The following INO80 variants were observed in gnomAD, a reference collection of about 807,000 sequenced individuals.
INO80 encodes the protein chromatin-remodeling ATPase INO80.
A neutral mutation model predicts 203.4 loss-of-function variants in INO80; 20 were observed. The ratio of observed to expected loss-of-function variants is 0.10; its 90% confidence interval spans 0.07 to 0.14. The LOEUF (loss-of-function observed/expected upper bound fraction) is 0.14. Among genes scored for constraint, INO80 ranks in the 10% least tolerant of loss-of-function variants. The pLI is 1.00. For synonymous variants in INO80, 726 were observed against 685.2 expected (o/e 1.06, Z -0.93); for missense variants, 1,419 against 1,914.4 (o/e 0.74, Z 4.83).
chr15:40,998,207 G>C (rs2043907371), intron 28 of INO80, among the ~76,000 whole-genome samples: 1 of 151,846 alleles, frequency 6.6e-6, no homozygotes, highest in South Asian at 2.1e-4. Flanking sequence ...ATTTTTAGTA[G>C]AGACGGGGTT....
At chr15:41,040,666 T>C (rs757813550) in intron 24 of INO80, among the ~76,000 whole-genome samples, 9 of 151,534 alleles carry the variant, frequency 5.9e-5, no homozygotes, top group Non-Finnish European at 1.3e-4. Context: ...GAGGCCAGAG[T>C]TCGAGGCCGG....
rs755753243 is a variant in INO80 at position 41,092,153 on chromosome 15, C to T, written c.411G>A (p.Glu137=). 6.2e-7 allele frequency: 1 copy of T among 1,607,956 alleles called. No individual in the cohort carries two copies. Among genetic ancestry groups the T allele is most frequent in the Non-Finnish European group, 8.5e-7 (1 of 1,175,098 alleles). The stretch of plus-strand genomic sequence containing the variant: ...CATCGTCTTCACTCTGAGAATCAGC[C>T]TCGCTGGATTCATCACTTAGCAGAA... ...KSILLSDESS[E]ADSQSEDDDE... is the part of the protein sequence containing the mutation. The change falls in exon 5 of 36, where the codon GAG becomes GAA. Residue 137 remains glutamate (E), a synonymous_variant. Coordinates refer to ENST00000648947, the MANE Select transcript of INO80 (RefSeq NM_017553.3).
intron 14 of INO80, among the ~76,000 whole-genome samples, chr15:41,062,211 G>T (rs1471431604): frequency 6.6e-6 from 1 of 152,082 alleles, no homozygotes; most frequent in Non-Finnish European, 1.5e-5. Flanking sequence ...CAAGTATACC[G>T]AAGTCTTTAT....
At position 41,047,491 on chromosome 15, in the gene INO80, T is replaced by C. The variant is rs150948955; in HGVS notation, c.2652A>G (p.Glu884=). ...RSLFHRKGIN[E]ESCFSFLRFI... is the part of the protein sequence containing the mutation. Reference sequence around the variant, plus strand: ...AGCGAAGGAAAGAGAAACAGCTTTCTTCATTAATACCTGAAATATAAAAGA... The same window carrying C: ...AGCGAAGGAAAGAGAAACAGCTTTCCTCATTAATACCTGAAATATAAAAGA... Residue 884 remains glutamate (E), a synonymous_variant, in exon 23 of 36, where the codon GAA becomes GAG. Transcript: ENST00000648947. The C allele has an allele frequency of 2.1e-4, 345 of 1,605,942 alleles. 3 individuals are homozygous for C. The highest frequency in any genetic ancestry group is 2.9e-5 in the Non-Finnish European group (34 of 1,174,108).
chr15:41,084,357 C>T (rs1046977868), intron 7 of INO80, among the ~76,000 whole-genome samples: 6 of 152,048 alleles, frequency 3.9e-5, no homozygotes, highest in Admixed American at 1.3e-4. Flanking sequence ...GTCAAGAGTT[C>T]GAGACCAGCC....
chr15:40,997,290 CA>C (rs2043892847), intron 29 of INO80, among the ~76,000 whole-genome samples: 4 of 151,744 alleles, frequency 2.6e-5, no homozygotes, highest in Admixed American at 2.6e-4. Flanking sequence ...AAAACAAAAA[CA>C]AAAAAACTTG....
At chr15:41,008,252 CACG>C (rs2044080664) in intron 27 of INO80, among the ~76,000 whole-genome samples, 3 of 138,712 alleles carry the variant, frequency 2.2e-5, no homozygotes, top group Non-Finnish European at 3.2e-5. Flanking sequence ...CACACACACA[CACG>C]AATATTATTC....
chr15:41,018,078 A>C (rs2044237220), intron 26 of INO80: 1 of 152,150 alleles, frequency 6.6e-6, no homozygotes, highest in Non-Finnish European at 1.5e-5. Context: ...CAGAGCTACC[A>C]ATCAGCTTTA....
Position 41,085,388 on chromosome 15 carries a change from A to C in INO80, c.854T>G (p.Val285Gly). Residue 285 changes from valine (V) to glycine (G), a missense_variant, in exon 7 of 36, where the codon GTG becomes GGG. Coordinates refer to ENST00000648947, the MANE Select transcript of INO80 (RefSeq NM_017553.3). ...ARRRKVWLSI[V>G]KKELPKANKQ... Reference sequence around the variant, plus strand: ...ACTTACCTTTGGTAGTTCCTTTTTCACAATGCTGAGCCATACTTTCCTGCG... The same window carrying C: ...ACTTACCTTTGGTAGTTCCTTTTTCCCAATGCTGAGCCATACTTTCCTGCG... 1 of 1,613,954 alleles carries C rather than the reference A, an allele frequency of 6.2e-7. No individual in the cohort carries two copies.
intron 27 of INO80, chr15:41,011,463 G>T (rs1208369457): frequency 2.0e-5 from 3 of 152,098 alleles, no homozygotes; most frequent in Non-Finnish European, 4.4e-5. Context: ...AAGGTAGCAT[G>T]GAGGAAAAAA....
rs191169295 is a variant in INO80 at position 41,002,131 on chromosome 15, C to T, written c.3497+3462G>A. On this transcript the variant is annotated intron_variant, in intron 28 of 35. Coordinates refer to ENST00000648947, the MANE Select transcript of INO80 (RefSeq NM_017553.3). ...CTTTAGTCTCTTTTTCCATTTTGCC[C>T]AATATTAGACAGAGGGTGTTAAAAT... Among the ~76,000 whole-genome samples the T allele has an allele frequency of 2.7e-3, 408 of 152,236 alleles. 3 individuals are homozygous for T. The highest frequency in any genetic ancestry group is 0.012 in the South Asian group (60 of 4,814).
intron 27 of INO80, among the ~76,000 whole-genome samples, chr15:41,015,783 A>C (rs2044194942): frequency 6.7e-6 from 1 of 149,240 alleles, no homozygotes. Context: ...TTAAAAAAAA[A>C]AAAAAAAAAA....
chr15:40,980,624 A>G (rs573181562), intron 35 of INO80, among the ~76,000 whole-genome samples, 184 bp from the exon 36 acceptor site: 1 of 152,272 alleles, frequency 6.6e-6, no homozygotes, highest in African/African-American at 2.4e-5. Flanking sequence ...CTTTTCAGTA[A>G]GAGGAATAGA....
chr15:41,027,722 G>A lies in INO80; in HGVS notation c.2922C>T (p.Ser974=). Residue 974 remains serine, a synonymous_variant, in exon 25 of 36, where the codon AGC becomes AGT. Transcript: ENST00000648947. ...SCPLLKSLVF[S]SHCKAVSGYS... is the part of the protein sequence containing the mutation. ...AGCCACTCACTGCTTTACAGTGGCT[G>A]CTGAAAACAAGAGACTGCAAAATAA... 1.3e-6 allele frequency: 2 copies of A among 1,591,158 alleles called. No individual in the cohort carries two copies. Among genetic ancestry groups the A allele is most frequent in the East Asian group, 2.3e-5 (1 of 44,426 alleles).
chr15:41,063,986 T>C (rs1019057315), intron 14 of INO80, among the ~76,000 whole-genome samples: 1 of 152,064 alleles, frequency 6.6e-6, no homozygotes, highest in Admixed American at 6.6e-5. Context: ...AGAGTATAAA[T>C]CTTACAGCCT....
At position 41,074,015 on chromosome 15, in the gene INO80, T is replaced by C. The variant is rs181266690; in HGVS notation, c.1327+355A>G. Among the ~76,000 whole-genome samples the C allele has an allele frequency of 2.7e-3, 407 of 152,288 alleles. 3 individuals are homozygous for C. The highest frequency in any genetic ancestry group is 0.013 in the South Asian group (62 of 4,830). Reference sequence around the variant, plus strand: ...AAAGACAACTGAACAGCTGCTTTCTTGTGCTTAAATAAACAAGAATCGTAT... The same window carrying C: ...AAAGACAACTGAACAGCTGCTTTCTCGTGCTTAAATAAACAAGAATCGTAT... On this transcript the variant is annotated intron_variant, in intron 10 of 35. Coordinates refer to ENST00000648947, the MANE Select transcript of INO80 (RefSeq NM_017553.3).
intron 11 of INO80, 27 bp from the exon 12 acceptor site, chr15:41,072,085 G>GA (rs760170112): frequency 0.16 from 115,363 of 743,438 alleles, 177 homozygotes; most frequent in South Asian, 0.16. Context: ...AAAAAAATTA[G>GA]AAAAAAAAAA....
chr15:40,992,538 G>A (rs2043829838), intron 29 of INO80, among the ~76,000 whole-genome samples: 3 of 152,094 alleles, frequency 2.0e-5, no homozygotes, highest in South Asian at 4.1e-4. Context: ...TCTCTTCCTT[G>A]TCCATAAATG....
intron 29 of INO80, among the ~76,000 whole-genome samples, chr15:40,991,033 AG>A (rs1321274243): frequency 8.5e-5 from 13 of 152,254 alleles, no homozygotes; most frequent in African/African-American, 3.1e-4. Context: ...AGGTGGGTGG[AG>A]GGAGAGCCAT....
Sources: allele counts gnomAD v4.1 joint callset (sites outside exome capture counted in the v4.1 genomes callset), GRCh38; gene constraint gnomAD v4.1.1; transcripts MANE v1.5; gene names NCBI Gene and HGNC (gene_info 2026-07-23, HGNC 2026-07-21).